Variants in TRPV3 observed in about 807,000 individuals in gnomAD.
TRPV3 encodes transient receptor potential cation channel subfamily V member 3.
TRPV3 carries 88 observed loss-of-function variants against 87.1 expected under a neutral mutation model. The ratio of observed to expected loss-of-function variants is 1.01; its 90% CI spans 0.85 to 1.21. TRPV3 has a LOEUF of 1.21. Among genes scored for constraint, TRPV3 ranks in the 50% most tolerant of loss-of-function variants. TRPV3 has a pLI of 0.00. For missense variants in TRPV3, 1,054 were observed against 1,030.1 expected (o/e 1.02, Z -0.32); for synonymous variants, 438 against 423.3 (o/e 1.03, Z -0.43).
chr17:3,533,830 A>G (rs454106), intron 7 of TRPV3, among the ~76,000 whole-genome samples: 54,234 of 152,032 alleles, frequency 0.36, 12,166 homozygotes, highest in Non-Finnish European at 0.5. Context: ...TTATCATTTC[A>G]TATCATAGTA....
Position 3,513,600 on chromosome 17 carries a change from G to T in TRPV3, c.*317C>A. 1 of 263,176 alleles carries T rather than the reference G, an allele frequency of 3.8e-6. No individual in the cohort carries two copies. The highest frequency in any genetic ancestry group is 7.1e-5 in the East Asian group (1 of 14,038). 16.3% of individuals were successfully genotyped at this position (263,176 alleles called of 1,614,324 possible). ...CCTTTCCCGCCATCCATCTCTCCCA[G>T]CCAAGCCGACCTGCAATTGGTAAAA... On this transcript the variant is annotated 3_prime_UTR_variant, in exon 18 of 18. Coordinates refer to ENST00000576742, the MANE Select transcript of TRPV3 (RefSeq NM_145068.4).
In TRPV3 at chr17:3,554,897, G is replaced by C. The variant is rs765488740; in HGVS notation, c.-2-45C>G. ...CAGATGCTCAGGCCGGGGGGACAGG[G>C]GGAGCTTCAGGGAGTTTAGGGGCCC... On this transcript the variant is annotated intron_variant, in intron 1 of 17. Coordinates refer to ENST00000576742, the MANE Select transcript of TRPV3 (RefSeq NM_145068.4). The C allele has an allele frequency of 2.9e-6, 4 of 1,368,972 alleles. No individual in the cohort carries two copies. The Admixed American group carries it at 7.6e-5, about 26-fold the overall frequency. The allele number at this position is 1,368,972 out of a possible 1,614,324, so 84.8% of individuals were successfully genotyped here.
At chr17:3,535,821 C>T in intron 6 of TRPV3, 108 bp from the exon 7 acceptor site, 4 of 1,260,974 alleles carry the variant, frequency 3.2e-6, no homozygotes, top group Non-Finnish European at 4.1e-6. Flanking sequence ...GAGATCAGAA[C>T]CCTGGTCTGT....
rs188300062 is a variant in TRPV3 at position 3,540,237 on chromosome 17, G to T, written c.643+2285C>A. On this transcript the variant is annotated intron_variant, in intron 6 of 17. Transcript: ENST00000576742. ...GTGGTCACCTTGGGTCCTGCCCAGAGTGTGGAAGAATGCTACTCTGCTGGT... is the reference window on the plus strand; with the variant it reads ...GTGGTCACCTTGGGTCCTGCCCAGATTGTGGAAGAATGCTACTCTGCTGGT... Among the ~76,000 whole-genome samples, 26 of 152,302 alleles carry T rather than the reference G, an allele frequency of 1.7e-4. No individual in the cohort carries two copies. In the East Asian group the frequency reaches 4.2e-3, roughly 25 times the overall value.
Position 3,536,830 on chromosome 17 carries a change from T to C in TRPV3, c.644-1117A>G, listed in dbSNP as rs1488518767. On this transcript the variant is annotated intron_variant, in intron 6 of 17. Coordinates refer to ENST00000576742, the MANE Select transcript of TRPV3 (RefSeq NM_145068.4). ...GTAGCGGGAGAGACACTAAGCCTGC[T>C]GGAGACCAGAGAACTTCCAGATGGA... is the stretch of plus-strand genomic sequence containing the variant. Among the ~76,000 whole-genome samples the C allele has an allele frequency of 2.0e-5, 3 of 152,108 alleles. 1 individual carries two copies. The highest frequency in any genetic ancestry group is 4.4e-5 in the Non-Finnish European group (3 of 68,020).
Position 3,528,783 on chromosome 17 carries a change from C to T in TRPV3, c.1401+54G>A. The T allele has an allele frequency of 6.2e-7, 1 of 1,606,374 alleles. No homozygotes were observed. Among genetic ancestry groups the T allele is most frequent in the Non-Finnish European group, 8.5e-7 (1 of 1,175,656 alleles). On this transcript the variant is annotated intron_variant, in intron 10 of 17. Coordinates refer to ENST00000576742, the MANE Select transcript of TRPV3 (RefSeq NM_145068.4). This position sits in a 1 kb window ranked among gnomAD's most constrained non-coding sequence, Gnocchi z 4.2. ...TTCCCACCTGCACGTGGGGCAGCTC[C>T]AAGCCCCTCCAGCTCTGACGGCCCC... is the stretch of plus-strand genomic sequence containing the variant.
intron 9 of TRPV3, 96 bp downstream of exon 9, chr17:3,529,931 G>T: frequency 7.1e-7 from 1 of 1,401,666 alleles, no homozygotes; most frequent in Non-Finnish European, 9.7e-7. Flanking sequence ...GAGGGATGGA[G>T]CTGGCAGCAC....
chr17:3,535,293 CCT>C, intron 7 of TRPV3, among the ~76,000 whole-genome samples: 1 of 106,556 alleles, frequency 9.4e-6, no homozygotes, highest in African/African-American at 3.2e-5. Context: ...CTTCCTCCCT[CCT>C]TCCTGCTTCC....
intron 17 of TRPV3, 190 bp downstream of exon 17, chr17:3,514,403 G>T (rs988300223): frequency 6.7e-6 from 4 of 600,662 alleles, no homozygotes; most frequent in African/African-American, 3.7e-5. Context: ...CTATGGCTTA[G>T]GGCTACGCCA....
At chr17:3,520,927 A>C in intron 14 of TRPV3, 46 bp downstream of exon 14, 1 of 1,349,418 alleles carries the variant, frequency 7.4e-7, no homozygotes, top group East Asian at 2.3e-5. Flanking sequence ...CATCTGTATA[A>C]AGTGTTTATA....
intron 7 of TRPV3, among the ~76,000 whole-genome samples, chr17:3,533,332 C>T (rs1014366436): frequency 4.6e-5 from 7 of 152,276 alleles, no homozygotes; most frequent in Non-Finnish European, 7.4e-5. Context: ...GGCCTTCGCT[C>T]GGCTGTCCCC....
chr17:3,515,923 A>G (rs2074179098), intron 16 of TRPV3, among the ~76,000 whole-genome samples: 1 of 152,038 alleles, frequency 6.6e-6, no homozygotes, highest in South Asian at 2.1e-4. Context: ...GCGGTGGCTC[A>G]TGCCTGTAAT....
chr17:3,537,332 C>T (rs898133016), intron 6 of TRPV3, among the ~76,000 whole-genome samples: 3 of 150,476 alleles, frequency 2.0e-5, no homozygotes, highest in East Asian at 2.0e-4. Context: ...AGAATACAGA[C>T]GTGATGGTCC....
At chr17:3,542,103 C>A (rs1372737621) in intron 6 of TRPV3, among the ~76,000 whole-genome samples, 1 of 152,000 alleles carries the variant, frequency 6.6e-6, no homozygotes, top group Non-Finnish European at 1.5e-5. Flanking sequence ...ATTACAGGCA[C>A]CTGCCACCAT....
At position 3,554,740 on chromosome 17, in the gene TRPV3, T is replaced by G. The variant is rs1411600417; in HGVS notation, c.111A>C (p.Thr37=). 3.1e-6 allele frequency: 5 copies of G among 1,608,978 alleles called. No individual in the cohort carries two copies. Among genetic ancestry groups the G allele is most frequent in the Non-Finnish European group, 4.2e-6 (5 of 1,176,678 alleles). Residue 37 remains threonine (T), a synonymous_variant, in exon 2 of 18, where the codon ACA becomes ACC. Transcript: ENST00000576742. ...PEKRPAEITP[T]KKSAHFFLEI... Reference sequence around the variant, plus strand: ...GAGCTCTCCAAACCCACCTCTTCTTTGTGGGGGTGATCTCCGCCGGCCTCT... The same window carrying G: ...GAGCTCTCCAAACCCACCTCTTCTTGGTGGGGGTGATCTCCGCCGGCCTCT...
In TRPV3 at chr17:3,513,884, A is replaced by G; in HGVS notation, c.*33T>C. On this transcript the variant is annotated 3_prime_UTR_variant, in exon 18 of 18. Coordinates refer to ENST00000576742, the MANE Select transcript of TRPV3 (RefSeq NM_145068.4). ...GGTGACTCCGCCTGCAGCGCCAGACAGCGCACGCGCACACCAGCTCTGGGT... is the reference window on the plus strand; with the variant it reads ...GGTGACTCCGCCTGCAGCGCCAGACGGCGCACGCGCACACCAGCTCTGGGT... 6.4e-7 allele frequency: 1 copy of G among 1,566,196 alleles called. No individual in the cohort carries two copies. The highest frequency in any genetic ancestry group is 1.7e-4 in the Middle Eastern group (1 of 5,944).
intron 7 of TRPV3, 89 bp from the exon 8 acceptor site, chr17:3,533,026 C>T: frequency 6.8e-7 from 1 of 1,474,038 alleles, no homozygotes; most frequent in South Asian, 1.2e-5. Context: ...TATCCTATCT[C>T]AGCAGGATGG....
At position 3,512,362 on chromosome 17, in the gene TRPV3, T is replaced by A. The variant is rs925250910; in HGVS notation, c.*1555A>T. The A allele has an allele frequency of 1.3e-5, 2 of 152,110 alleles. No homozygotes were observed. Among genetic ancestry groups the A allele is most frequent in the South Asian group, 2.1e-4 (1 of 4,822 alleles). The allele number at this position is 152,110 out of a possible 1,614,324, so 9.4% of individuals were successfully genotyped here. A position where few individuals can be genotyped will look rare whatever the true frequency, so the allele number is the denominator to read the frequency against. On this transcript the variant is annotated 3_prime_UTR_variant, in exon 18 of 18. Transcript: ENST00000576742. ...GCCCACCTCTCCCCAATCGGCCCCA[T>A]CAGGGGCACAAAGTCTCTATCTGTC...
rs773717512 is a variant in TRPV3, at chr17:3,518,698, G to C, written c.1963C>G (p.Leu655Val). 1 of 1,611,630 alleles carries C rather than the reference G, an allele frequency of 6.2e-7. No homozygotes were observed. Among genetic ancestry groups the C allele is most frequent in the South Asian group, 1.1e-5 (1 of 90,354 alleles). The change falls in exon 15 of 18, where the codon CTG becomes GTG. Residue 655 changes from leucine to valine, a missense_variant. Coordinates refer to ENST00000576742, the MANE Select transcript of TRPV3 (RefSeq NM_145068.4). This position sits in a 1 kb window ranked among gnomAD's most constrained non-coding sequence, Gnocchi z 4.3. ...QQNSKYPILF[L>V]FLLITYVILT... ...ATGACATAGGTGATGAGCAGGAACA[G>C]AAAGAGAATGGGATACTTGGAGTTC...
Sources: gnomAD v4.1 joint callset for allele counts (sites outside exome capture counted in the v4.1 genomes callset) on GRCh38, gnomAD v4.1.1 for gene constraint, Gnocchi (gnomAD v3.1) non-coding constraint, MANE v1.5 for transcripts, NCBI Gene and HGNC (gene_info 2026-07-23, HGNC 2026-07-21) for gene names.